RAB11FIP3: variants seen among roughly 807,000 people sequenced by gnomAD.
RAB11FIP3 encodes rab11 family-interacting protein 3.
In RAB11FIP3, 17 loss-of-function variants were observed where a neutral mutation model predicts 77.8. The observed-to-expected ratio is 0.22, with a 90% CI of 0.15 to 0.33. The LOEUF (loss-of-function observed/expected upper bound fraction) is 0.33, where lower values mean the gene tolerates loss of function less well. Among genes scored for constraint, RAB11FIP3 ranks in the 10% least tolerant of loss-of-function variants. The probability of loss-of-function intolerance (pLI) is 1.00; values close to 1 mark genes in which losing one functional copy is unlikely to be tolerated. For missense variants in RAB11FIP3, 1,005 were observed against 1,011.2 expected, an observed-to-expected ratio of 0.99 and a Z score of 0.08; for synonymous variants, 437 against 448.2, an observed-to-expected ratio of 0.98 and a Z score of 0.31.
At chr16:499,782 A>G (rs2031387665) in intron 6 of RAB11FIP3, among the ~76,000 whole-genome samples, 1 of 140,900 alleles carries the variant, frequency 7.1e-6, no homozygotes, top group South Asian at 2.3e-4. Flanking sequence ...TGGGCGACAG[A>G]GCAAGACTGT....
At chr16:492,393 TC>T (rs373633202) in intron 5 of RAB11FIP3, among the ~76,000 whole-genome samples, 9,755 of 45,512 alleles carry the variant, frequency 0.21, 378 homozygotes, top group African/African-American at 0.26. Flanking sequence ...CCCAGAGCCC[TC>T]CCCGGGAGAC....
At chr16:492,360 T>TCCCGGGAGACCCGAGGCCGTCCAGGGCC in intron 5 of RAB11FIP3, among the ~76,000 whole-genome samples, 3 of 25,626 alleles carry the variant, frequency 1.2e-4, no homozygotes, top group African/African-American at 2.2e-4. Context: ...TTGAAGAGGG[T>TCCCGGGAGACCCGAGGCCGTCCAGGGCC]CTTCCCGGGA....
intron 3 of RAB11FIP3, among the ~76,000 whole-genome samples, chr16:475,856 A>T (rs528005157): frequency 0.011 from 1,612 of 151,682 alleles, 35 homozygotes; most frequent in African/African-American, 0.037. Flanking sequence ...TTTATTTTTT[A>T]TTTTTTAAAT....
At position 426,079 on chromosome 16, in the gene RAB11FIP3, G is replaced by T; in HGVS notation, c.73G>T (p.Asp25Tyr). The change falls in exon 1 of 14, where the codon GAC becomes TAC. Residue 25 changes from aspartate to tyrosine, a missense_variant. This residue lies in a region of RAB11FIP3 where 466 missense variants were observed against 408.3 expected (regional missense o/e 1.14). Coordinates refer to ENST00000262305, the MANE Select transcript of RAB11FIP3 (RefSeq NM_014700.4). The surrounding 1 kb of genome is among the most constrained non-coding windows in gnomAD (Gnocchi z 5.0). ...GCCCGACCCGGAGCCGGGCGGGCCG[G>T]ACGGGCCGGGGGCGGCACAACTGGC... ...PGPDPEPGGP[D>Y]GPGAAQLAPG... 1.0e-6 allele frequency: 1 copy of T among 1,002,416 alleles called. No individual in the cohort carries two copies. The highest frequency in any genetic ancestry group is 4.5e-5 in the South Asian group (1 of 22,274). The allele number at this position is 1,002,416 out of a possible 1,614,324, so 62.1% of individuals were successfully genotyped here. A position where few individuals can be genotyped will look rare whatever the true frequency, so the allele number is the denominator to read the frequency against.
chr16:496,774 CCTCT>C lies in RAB11FIP3; in HGVS notation c.1266-47_1266-44del, dbSNP rs765788233. ...CCTGAGTTTCCTGCTTCCTCCTGCT[CCTCT>C]CTGTCTGTTCTAACAATTTTCCTGT... On this transcript the variant is annotated intron_variant, in intron 5 of 13. Coordinates refer to ENST00000262305, the MANE Select transcript of RAB11FIP3 (RefSeq NM_014700.4). 6 of 1,529,320 alleles carry C rather than the reference CCTCT, an allele frequency of 3.9e-6. No homozygotes were observed. The African/African-American group carries it at 5.5e-5, about 14-fold the overall frequency. 94.7% of individuals were successfully genotyped at this position (1,529,320 alleles called of 1,614,324 possible).
intron 1 of RAB11FIP3, among the ~76,000 whole-genome samples, chr16:437,936 A>G (rs982517110): frequency 6.6e-6 from 1 of 152,120 alleles, no homozygotes; most frequent in African/African-American, 2.4e-5. Context: ...TAGTCTCCCG[A>G]GTAGCTGGGA....
intron 3 of RAB11FIP3, among the ~76,000 whole-genome samples, chr16:479,195 T>C (rs1295849667): frequency 6.6e-6 from 1 of 151,972 alleles, no homozygotes; most frequent in Non-Finnish European, 1.5e-5. Context: ...AGTTTGGGAC[T>C]AGCCTGAGCA....
chr16:503,769 A>G lies in RAB11FIP3; in HGVS notation c.1395+672A>G, dbSNP rs146917903. Among the ~76,000 whole-genome samples, 812 of 152,010 alleles carry G rather than the reference A, an allele frequency of 5.3e-3. 7 individuals carry two copies. The highest frequency in any genetic ancestry group is 0.019 in the African/African-American group (770 of 41,430). On this transcript the variant is annotated intron_variant, in intron 7 of 13. Transcript: ENST00000262305. ...GTGGCGGGCAACTGTAATCCCAGCT[A>G]TTTGGGAGGCTGAGGCAGGAGAATC...
At chr16:459,343 C>T (rs1024226915) in intron 1 of RAB11FIP3, among the ~76,000 whole-genome samples, 2 of 151,622 alleles carry the variant, frequency 1.3e-5, no homozygotes, top group South Asian at 4.2e-4. Context: ...TGAGGCTGGT[C>T]TCGAACTCCG....
Position 488,874 on chromosome 16 carries a change from T to A in RAB11FIP3, c.1139T>A (p.Val380Asp). The change falls in exon 5 of 14, where the codon GTC (valine) becomes GAC (aspartate). Residue 380 changes from valine to aspartate, a missense_variant. By Grantham distance (152) the Val-to-Asp change is radical (BLOSUM62 -3). Around this residue, in one of 4 missense-constraint regions of RAB11FIP3, gnomAD observed 433 missense variants for 436.1 expected, o/e 0.99. Transcript: ENST00000262305. ...PGRPHPHGQS[V>D]ITVIGGEEHF... ...AGGCCTCACCCCCATGGCCAGTCTGTCATCACGGTGATCGGGGGCGAGGAG... is the reference window on the plus strand; with the variant it reads ...AGGCCTCACCCCCATGGCCAGTCTGACATCACGGTGATCGGGGGCGAGGAG... The A allele has an allele frequency of 6.2e-7, 1 of 1,614,062 alleles. No individual in the cohort carries two copies. The highest frequency in any genetic ancestry group is 1.1e-5 in the South Asian group (1 of 91,070).
At chr16:429,052 C>G (rs1446046166) in intron 1 of RAB11FIP3, among the ~76,000 whole-genome samples, 2 of 152,062 alleles carry the variant, frequency 1.3e-5, no homozygotes, top group Non-Finnish European at 2.9e-5. Flanking sequence ...ATCTGAGTGC[C>G]TGGACTTGGG....
intron 1 of RAB11FIP3, among the ~76,000 whole-genome samples, chr16:439,651 C>T (rs137901717): frequency 1.6e-3 from 250 of 152,198 alleles, no homozygotes; most frequent in African/African-American, 5.5e-3. Flanking sequence ...CTCAGGTACT[C>T]CTGATGACAT....
chr16:480,522 C>T (rs866377513), intron 3 of RAB11FIP3, among the ~76,000 whole-genome samples: 117 of 151,498 alleles, frequency 7.7e-4, no homozygotes, highest in African/African-American at 2.6e-3. Context: ...ATTTTTGAGA[C>T]GGAGTCTTGC....
Position 521,540 on chromosome 16 carries a change from GC to G in RAB11FIP3, c.*704del, listed in dbSNP as rs2032687732. The G allele has an allele frequency of 3.3e-5, 5 of 152,698 alleles. No homozygotes were observed. The highest frequency in any genetic ancestry group is 2.6e-4 in the Admixed American group (4 of 15,296). The allele number at this position is 152,698 out of a possible 1,614,324, so 9.5% of individuals were successfully genotyped here. On this transcript the variant is annotated 3_prime_UTR_variant, in exon 14 of 14. Coordinates refer to ENST00000262305, the MANE Select transcript of RAB11FIP3 (RefSeq NM_014700.4). The stretch of plus-strand genomic sequence containing the variant: ...TCCAGGCCATGTGGCTGTTCCCACG[GC>G]CCAGTCCTCGCTGCAGTAACCCCTG...
At chr16:453,783 C>T (rs917276956) in intron 1 of RAB11FIP3, among the ~76,000 whole-genome samples, 7 of 151,454 alleles carry the variant, frequency 4.6e-5, no homozygotes, top group African/African-American at 1.2e-4. Context: ...TAAGTAGAGG[C>T]GGGGTTTCAC....
chr16:466,033 A>G (rs2055696204), intron 2 of RAB11FIP3, among the ~76,000 whole-genome samples: 1 of 151,906 alleles, frequency 6.6e-6, no homozygotes, highest in Non-Finnish European at 1.5e-5. Context: ...AAATGTTACA[A>G]CCCATTTCCT....
At chr16:427,204 C>A (rs1379241289) in intron 1 of RAB11FIP3, among the ~76,000 whole-genome samples, 3 of 152,258 alleles carry the variant, frequency 2.0e-5, no homozygotes, top group African/African-American at 7.2e-5. Context: ...ATTTTGAGTA[C>A]AATTACTTTA....
At chr16:501,413 G>A (rs1267037008) in intron 6 of RAB11FIP3, among the ~76,000 whole-genome samples, 1 of 147,794 alleles carries the variant, frequency 6.8e-6, no homozygotes, top group African/African-American at 2.5e-5. Context: ...AGGCAAGGAA[G>A]CTGGGAGAGG....
chr16:483,538 G>C (rs567396625), intron 4 of RAB11FIP3, among the ~76,000 whole-genome samples: 1 of 152,314 alleles, frequency 6.6e-6, no homozygotes, highest in East Asian at 1.9e-4. Flanking sequence ...CACATGACAG[G>C]TGGCAGGCCC....
Sources: gnomAD v4.1 joint callset for allele counts (sites outside exome capture counted in the v4.1 genomes callset) on GRCh38, gnomAD v4.1.1 for gene constraint, gnomAD v4.1.1 regional missense constraint, Gnocchi (gnomAD v3.1) non-coding constraint, MANE v1.5 for transcripts, NCBI Gene and HGNC (gene_info 2026-07-23, HGNC 2026-07-21) for gene names.